SGCD: variants seen among roughly 807,000 people sequenced by gnomAD.
SGCD encodes the protein delta-sarcoglycan.
Under a neutral mutation model 36.6 loss-of-function variants are expected in SGCD, and 18 were observed. That is an observed-to-expected ratio of 0.49 (90% CI 0.34 to 0.73). The LOEUF is 0.73. Ranked by LOEUF, SGCD falls within the 30% of genes least tolerant of loss-of-function variation. The pLI is 0.01. For missense variants in SGCD, 387 were observed against 346.7 expected, an observed-to-expected ratio of 1.12 and a Z score of -0.92; for synonymous variants, 133 against 130.6, an observed-to-expected ratio of 1.02 and a Z score of -0.12.
intron 3 of SGCD, among the ~76,000 whole-genome samples, chr5:156,277,425 A>G (rs1179525848): frequency 6.6e-6 from 1 of 152,204 alleles, no homozygotes. Context: ...AAAATAGCCC[A>G]CTTGTAATGA....
Position 155,961,313 on chromosome 5 carries a change from A to T in SGCD, c.-282+90889A>T, listed in dbSNP as rs149196729. Reference sequence around the variant, plus strand: ...GTATATTTTATTTTAATTTTTGAGCAATTACATTTAAATTAGTCTTTAAAA... The same window carrying T: ...GTATATTTTATTTTAATTTTTGAGCTATTACATTTAAATTAGTCTTTAAAA... On this transcript the variant is annotated intron_variant, in intron 1 of 9. Coordinates refer to the SGCD transcript ENST00000517913. 1.6e-3 allele frequency among the ~76,000 whole-genome samples: 250 copies of T among 152,226 alleles called. 1 individual carries two copies. Among genetic ancestry groups the T allele is most frequent in the Non-Finnish European group, 2.8e-3 (192 of 67,982 alleles).
chr5:156,537,022 C>A (rs1758143223), intron 4 of SGCD, among the ~76,000 whole-genome samples: 1 of 152,162 alleles, frequency 6.6e-6, no homozygotes, highest in Non-Finnish European at 1.5e-5. Context: ...TTTAAGCTGA[C>A]TTCCTCCCTC....
At chr5:155,943,931 A>G (rs1347145272) in intron 1 of SGCD, among the ~76,000 whole-genome samples, 1 of 152,188 alleles carries the variant, frequency 6.6e-6, no homozygotes, top group African/African-American at 2.4e-5. Flanking sequence ...CTCAAAGGTG[A>G]GAAAAAACTT....
intron 3 of SGCD, among the ~76,000 whole-genome samples, chr5:156,281,963 G>A (rs1344695342): frequency 3.3e-5 from 5 of 152,148 alleles, no homozygotes; most frequent in African/African-American, 1.2e-4. Context: ...CCCAGGAGGC[G>A]GAGCTTGCAG....
chr5:156,163,104 T>A (rs940940031), intron 3 of SGCD, among the ~76,000 whole-genome samples: 2 of 151,650 alleles, frequency 1.3e-5, no homozygotes, highest in African/African-American at 4.9e-5. Flanking sequence ...TAGCCAAACA[T>A]TTCACTATTG....
At chr5:156,565,785 G>A (rs1759456094) in intron 4 of SGCD, among the ~76,000 whole-genome samples, 1 of 152,086 alleles carries the variant, frequency 6.6e-6, no homozygotes, top group African/African-American at 2.4e-5. Flanking sequence ...TTATGAGTGA[G>A]AACATGCAGT....
chr5:156,013,887 C>G (rs145153358), intron 1 of SGCD, among the ~76,000 whole-genome samples: 1 of 150,886 alleles, frequency 6.6e-6, no homozygotes, highest in East Asian at 2.0e-4. Flanking sequence ...GGTATTTATT[C>G]TTTTGTATTT....
At chr5:156,020,393 T>C (rs1484238821) in intron 1 of SGCD, among the ~76,000 whole-genome samples, 3 of 152,208 alleles carry the variant, frequency 2.0e-5, no homozygotes, top group African/African-American at 7.2e-5. Flanking sequence ...AGGGCTATAC[T>C]GTCACTTGGT....
At position 156,756,526 on chromosome 5, in the gene SGCD, TGA is replaced by T. The variant is rs762204434; in HGVS notation, c.576-1052_576-1051del. On this transcript the variant is annotated intron_variant, in intron 7 of 8. Transcript: ENST00000337851. ...CTGCACTCCAGCCTGAGCAACAGGGTGAGACCCTGTTTCTAAGAAAAAGAAAA... is the reference window on the plus strand; with the variant it reads ...CTGCACTCCAGCCTGAGCAACAGGGTGACCCTGTTTCTAAGAAAAAGAAAA... Among the ~76,000 whole-genome samples, 13 of 152,250 alleles carry T rather than the reference TGA, an allele frequency of 8.5e-5. No homozygotes were observed. The East Asian group carries it at 2.1e-3, about 25-fold the overall frequency.
At chr5:155,852,123 T>C in the SGCD span, among the ~76,000 whole-genome samples, 1 of 152,214 alleles carries the variant, frequency 6.6e-6, no homozygotes, top group African/African-American at 2.4e-5. Flanking sequence ...ATTCCACCTG[T>C]ATGTCCATCA....
upstream of SGCD, among the ~76,000 whole-genome samples, chr5:155,867,334 G>A (rs1420084305): frequency 6.6e-6 from 1 of 152,104 alleles, no homozygotes; most frequent in Non-Finnish European, 1.5e-5. Context: ...TGGTGATGGG[G>A]AAATGCAAAA....
intron 1 of SGCD, among the ~76,000 whole-genome samples, chr5:156,036,848 C>T (rs1442767030): frequency 6.6e-6 from 1 of 152,136 alleles, no homozygotes; most frequent in Non-Finnish European, 1.5e-5. Context: ...GTTTCTCCTT[C>T]TATGTCATGC....
At chr5:156,199,100 C>T (rs187976083) in intron 3 of SGCD, among the ~76,000 whole-genome samples, 9 of 152,204 alleles carry the variant, frequency 5.9e-5, no homozygotes, top group Admixed American at 2.0e-4. Flanking sequence ...CACATACCTT[C>T]GCACCTCAGT....
At chr5:156,018,311 G>T (rs1013527946) in intron 1 of SGCD, among the ~76,000 whole-genome samples, 1 of 151,970 alleles carries the variant, frequency 6.6e-6, no homozygotes, top group South Asian at 2.1e-4. Context: ...ACAAATATCC[G>T]CTAGTGTCTG....
chr5:156,319,300 A>C (rs2127695488), intron 3 of SGCD, among the ~76,000 whole-genome samples: 1 of 152,322 alleles, frequency 6.6e-6, no homozygotes, highest in Non-Finnish European at 1.5e-5. Context: ...CTGAAAATAC[A>C]GGAATGTTTT....
intron 3 of SGCD, among the ~76,000 whole-genome samples, chr5:156,264,233 A>G (rs921313378): frequency 5.3e-5 from 8 of 152,074 alleles, no homozygotes; most frequent in East Asian, 1.9e-4. Context: ...TTGAAAGTGA[A>G]CCTTCAAGTC....
Position 156,063,460 on chromosome 5 carries a change from A to G in SGCD, c.-281-54418A>G, listed in dbSNP as rs1357742775. Reference sequence around the variant, plus strand: ...ATGAACTTTAAAGTAGTTTTTTCCAATTCTGTGAAGAAAGTCATTGGTAGC... The same window carrying G: ...ATGAACTTTAAAGTAGTTTTTTCCAGTTCTGTGAAGAAAGTCATTGGTAGC... On this transcript the variant is annotated intron_variant, in intron 1 of 9. Transcript: ENST00000517913. Among the ~76,000 whole-genome samples the G allele has an allele frequency of 9.6e-5, 12 of 125,510 alleles. No individual in the cohort carries two copies. The East Asian group carries it at 2.2e-3, about 23-fold the overall frequency. 82.3% of individuals were successfully genotyped at this position (125,510 alleles called of 152,430 possible). A position where few individuals can be genotyped will look rare whatever the true frequency, so the allele number is the denominator to read the frequency against.
intron 3 of SGCD, among the ~76,000 whole-genome samples, chr5:156,309,601 A>AT (rs3043458): frequency 0.018 from 2,229 of 121,106 alleles, 65 homozygotes; most frequent in African/African-American, 0.057. Flanking sequence ...ATCTTTGAGC[A>AT]TTTTTTTTTT....
At chr5:155,748,023 A>C in the SGCD span, among the ~76,000 whole-genome samples, 10 of 152,116 alleles carry the variant, frequency 6.6e-5, no homozygotes, top group Admixed American at 2.0e-4. Flanking sequence ...GCCTTAGGGT[A>C]AGAATCAAAT....
Sources: gnomAD v4.1 joint callset for allele counts (sites outside exome capture counted in the v4.1 genomes callset) on GRCh38, gnomAD v4.1.1 for gene constraint, MANE v1.5 for transcripts, NCBI Gene and HGNC (gene_info 2026-07-23, HGNC 2026-07-21) for gene names.